The following NUFIP2 variants were observed in gnomAD, a reference collection of about 807,000 sequenced individuals.
The protein encoded by NUFIP2 is FMR1-interacting protein NUFIP2.
In NUFIP2, 6 loss-of-function variants were observed where a neutral mutation model predicts 56.9. The observed-to-expected ratio is 0.11, with a 90% confidence interval of 0.06 to 0.21. The LOEUF is 0.21. Ranked by LOEUF, NUFIP2 falls within the 10% of genes least tolerant of loss-of-function variation. The pLI, the probability that NUFIP2 is intolerant of heterozygous loss-of-function variation, is 1.00. For missense variants in NUFIP2, 828 were observed against 826.8 expected, an observed-to-expected ratio of 1.00 and a Z score of -0.02; for synonymous variants, 321 against 298.2, an observed-to-expected ratio of 1.08 and a Z score of -0.79.
intron 2 of NUFIP2, among the ~76,000 whole-genome samples, chr17:29,282,152 A>C (rs895975014): frequency 2.0e-5 from 3 of 152,112 alleles, no homozygotes; most frequent in Non-Finnish European, 2.9e-5. Flanking sequence ...AGTACGCTTA[A>C]GGTTCCAAGT....
At chr17:29,272,973 C>T (rs1159297588) in intron 2 of NUFIP2, among the ~76,000 whole-genome samples, 2 of 151,684 alleles carry the variant, frequency 1.3e-5, no homozygotes, top group East Asian at 1.9e-4. Flanking sequence ...CCTCAGCCTC[C>T]CAAATAGCTG....
intron 3 of NUFIP2, among the ~76,000 whole-genome samples, chr17:29,265,305 A>ATTT (rs66549012): frequency 7.4e-6 from 1 of 135,646 alleles, no homozygotes; most frequent in African/African-American, 2.7e-5. Flanking sequence ...ATTTTATTTT[A>ATTT]TTTTTTTTTT....
chr17:29,275,586 T>C (rs1172475664), intron 2 of NUFIP2, among the ~76,000 whole-genome samples: 1 of 152,216 alleles, frequency 6.6e-6, no homozygotes, highest in African/African-American at 2.4e-5. Flanking sequence ...TCATCTCTTT[T>C]TCTCCAGCCC....
chr17:29,287,203 T>A lies in NUFIP2; in HGVS notation c.791A>T (p.Asp264Val). The A allele has an allele frequency of 6.2e-7, 1 of 1,614,220 alleles. No individual in the cohort carries two copies. Residue 264 changes from aspartate to valine, a missense_variant, in exon 2 of 4, where the codon GAC becomes GTC. Transcript: ENST00000225388. ...TCGATTTCCCTTTTGTTCACTATAGTCAGGCTTGAAAGTTTCAAGTCCCTG... is the reference window on the plus strand; with the variant it reads ...TCGATTTCCCTTTTGTTCACTATAGACAGGCTTGAAAGTTTCAAGTCCCTG... ...LKQGLETFKP[D>V]YSEQKGNRVD...
chr17:29,293,405 A>C (rs1349659113), intron 1 of NUFIP2, among the ~76,000 whole-genome samples: 1 of 151,904 alleles, frequency 6.6e-6, no homozygotes, highest in Non-Finnish European at 1.5e-5. Context: ...ACCTCGAGGG[A>C]TTTTTTGGGG....
intron 1 of NUFIP2, among the ~76,000 whole-genome samples, chr17:29,290,297 C>T (rs1383847296): frequency 1.3e-5 from 2 of 152,000 alleles, no homozygotes; most frequent in Non-Finnish European, 2.9e-5. Flanking sequence ...TTTTTGGTGG[C>T]ACAATTTTAA....
At chr17:29,276,205 A>C (rs1270051654) in intron 2 of NUFIP2, among the ~76,000 whole-genome samples, 2 of 152,110 alleles carry the variant, frequency 1.3e-5, no homozygotes, top group Admixed American at 1.3e-4. Context: ...AAAGGACTTT[A>C]AACTTGTACC....
In NUFIP2 at chr17:29,257,437, T is replaced by C. The variant is rs1245518715; in HGVS notation, c.*7102A>G. ...GTGTGCAAAATGCATTTCTAAAACG[T>C]AATGCAAGCAAAGCTTTCACATTTA... is the stretch of plus-strand genomic sequence containing the variant. On this transcript the variant is annotated 3_prime_UTR_variant, in exon 4 of 4. Coordinates refer to ENST00000225388, the MANE Select transcript of NUFIP2 (RefSeq NM_020772.3). 6.6e-6 allele frequency: 1 copy of C among 152,096 alleles called. No individual in the cohort carries two copies. Among genetic ancestry groups the C allele is most frequent in the Non-Finnish European group, 1.5e-5 (1 of 68,014 alleles). 9.4% of individuals were successfully genotyped at this position (152,096 alleles called of 1,614,324 possible).
chr17:29,290,131 C>T (rs926008336), intron 1 of NUFIP2, among the ~76,000 whole-genome samples: 6 of 151,940 alleles, frequency 3.9e-5, no homozygotes, highest in African/African-American at 1.4e-4. Flanking sequence ...GTGATCTGCC[C>T]GCCTGGGCCT....
At position 29,287,157 on chromosome 17, in the gene NUFIP2, A is replaced by G; in HGVS notation, c.837T>C (p.Ile279=). Residue 279 remains isoleucine, a synonymous_variant, in exon 2 of 4, where the codon ATT becomes ATC. Coordinates refer to ENST00000225388, the MANE Select transcript of NUFIP2 (RefSeq NM_020772.3). Reference sequence around the variant, plus strand: ...CTCCAGGCCCAGTTTCATACTTCCAAATGGGCTTCGAACCATCTACTCGAT... The same window carrying G: ...CTCCAGGCCCAGTTTCATACTTCCAGATGGGCTTCGAACCATCTACTCGAT... ...KGNRVDGSKP[I]WKYETGPGGT... The G allele has an allele frequency of 6.2e-7, 1 of 1,614,148 alleles. No homozygotes were observed. Among genetic ancestry groups the G allele is most frequent in the South Asian group, 1.1e-5 (1 of 91,064 alleles).
intron 1 of NUFIP2, among the ~76,000 whole-genome samples, chr17:29,292,629 A>G (rs2069222758): frequency 7.1e-6 from 1 of 140,914 alleles, no homozygotes; most frequent in African/African-American, 2.7e-5. Flanking sequence ...TCCTGCCTCT[A>G]GGAGCGCCGC....
chr17:29,293,532 T>G (rs1420273055), intron 1 of NUFIP2, among the ~76,000 whole-genome samples: 4 of 152,054 alleles, frequency 2.6e-5, no homozygotes, highest in Non-Finnish European at 5.9e-5. Context: ...CAGGTCTCCC[T>G]TCAGCCGGGG....
At chr17:29,268,571 G>A (rs547249928) in intron 2 of NUFIP2, among the ~76,000 whole-genome samples, 5 of 152,084 alleles carry the variant, frequency 3.3e-5, no homozygotes, top group Admixed American at 2.0e-4. Flanking sequence ...AGGCTGGAGC[G>A]CAATGGCACG....
rs571034167 is a variant in NUFIP2, at chr17:29,263,280, T to A, written c.*1259A>T. On this transcript the variant is annotated 3_prime_UTR_variant, in exon 4 of 4. Transcript: ENST00000225388. The stretch of plus-strand genomic sequence containing the variant: ...TGGCAATGTAATGATAAGACAGGGC[T>A]AATGCTCTTCTCTGCCCCAAAGAAA... 1.2e-4 allele frequency: 19 copies of A among 152,752 alleles called. 1 individual carries two copies. The South Asian group carries it at 3.7e-3, about 30-fold the overall frequency. The allele number at this position is 152,752 out of a possible 1,614,324, so 9.5% of individuals were successfully genotyped here. A position where few individuals can be genotyped will look rare whatever the true frequency, so the allele number is the denominator to read the frequency against.
rs764684091 is a variant in NUFIP2, at chr17:29,286,752, A to G, written c.1242T>C (p.Phe414=). 6.2e-7 allele frequency: 1 copy of G among 1,614,016 alleles called. No homozygotes were observed. Among genetic ancestry groups the G allele is most frequent in the East Asian group, 2.2e-5 (1 of 44,890 alleles). ...SALKSVTSAN[F]SNGPVLAGTD... ...TCCCTGCTAAAACAGGCCCATTAGA[A>G]AAGTTGGCAGAAGTAACAGATTTCA... Residue 414 remains phenylalanine, a synonymous_variant, in exon 2 of 4, where the codon TTT becomes TTC. Coordinates refer to ENST00000225388, the MANE Select transcript of NUFIP2 (RefSeq NM_020772.3).
rs1598435126 is a variant in NUFIP2, at chr17:29,285,855, C to A, written c.2002+137G>T. Reference sequence around the variant, plus strand: ...TTCCAAGGACCCTGAATTAGTTTGACACCAGCTGCTTATCCACATTGTCAT... The same window carrying A: ...TTCCAAGGACCCTGAATTAGTTTGAAACCAGCTGCTTATCCACATTGTCAT... On this transcript the variant is annotated intron_variant, in intron 2 of 3. Coordinates refer to ENST00000225388, the MANE Select transcript of NUFIP2 (RefSeq NM_020772.3). 1.1e-5 allele frequency: 7 copies of A among 644,390 alleles called. No homozygotes were observed. In the East Asian group the frequency reaches 1.9e-4, roughly 18 times the overall value. The allele number at this position is 644,390 out of a possible 1,614,324, so 39.9% of individuals were successfully genotyped here.
chr17:29,277,104 A>T (rs753255747), intron 2 of NUFIP2, among the ~76,000 whole-genome samples: 3 of 152,148 alleles, frequency 2.0e-5, no homozygotes, highest in Admixed American at 6.6e-5. Flanking sequence ...GGTTCACAGC[A>T]ACCTCCGCCT....
At position 29,294,028 on chromosome 17, in the gene NUFIP2, T is replaced by G; in HGVS notation, c.32A>C (p.Gln11Pro). MEEKPGQPQP[Q>P]HHHSHHHPHH... ...CGGATGGTGGTGGCTGTGATGGTGC[T>G]GAGGCTGTGGCTGGCCGGGCTTCTC... The change falls in exon 1 of 4, where the codon CAG becomes CCG. Residue 11 changes from glutamine (Q) to proline (P), a missense_variant. Coordinates refer to ENST00000225388, the MANE Select transcript of NUFIP2 (RefSeq NM_020772.3). 6.2e-7 allele frequency: 1 copy of G among 1,609,514 alleles called. No homozygotes were observed. The highest frequency in any genetic ancestry group is 1.1e-5 in the South Asian group (1 of 90,724).
At position 29,294,111 on chromosome 17, in the gene NUFIP2, G is replaced by A. The variant is rs1567684184; in HGVS notation, c.-52C>T. Reference sequence around the variant, plus strand: ...AGGCTGCGGGCTGCTGCACCGTCAGGATCTGAGACTGCTTCTCAGGGCTCA... The same window carrying A: ...AGGCTGCGGGCTGCTGCACCGTCAGAATCTGAGACTGCTTCTCAGGGCTCA... On this transcript the variant is annotated 5_prime_UTR_variant, in exon 1 of 4. Coordinates refer to ENST00000225388, the MANE Select transcript of NUFIP2 (RefSeq NM_020772.3). 10 of 1,542,898 alleles carry A rather than the reference G, an allele frequency of 6.5e-6. No individual in the cohort carries two copies. Among genetic ancestry groups the A allele is most frequent in the Non-Finnish European group, 7.0e-6 (8 of 1,144,374 alleles).
Sources: gnomAD v4.1 joint callset for allele counts (sites outside exome capture counted in the v4.1 genomes callset) on GRCh38, gnomAD v4.1.1 for gene constraint, MANE v1.5 for transcripts, NCBI Gene and HGNC (gene_info 2026-07-23, HGNC 2026-07-21) for gene names.